Variants in MYO1H observed in about 807,000 individuals in gnomAD.
MYO1H encodes myosin IH, also known as unconventional myosin-Ih.
In MYO1H, 118 loss-of-function variants were observed where a neutral mutation model predicts 149.3. The ratio of observed to expected loss-of-function variants is 0.79; its 90% CI spans 0.68 to 0.92. MYO1H has a LOEUF of 0.92. Ranked by LOEUF, MYO1H falls within the 40% of genes least tolerant of loss-of-function variation. The pLI is 0.00. For synonymous variants in MYO1H, 447 were observed against 465.2 expected, an observed-to-expected ratio of 0.96 and a Z score of 0.50; for missense variants, 1,212 against 1,280.7, an observed-to-expected ratio of 0.95 and a Z score of 0.82.
chr12:109,320,563 G>A, the MYO1H span, among the ~76,000 whole-genome samples: 1 of 146,334 alleles, frequency 6.8e-6, no homozygotes, highest in Non-Finnish European at 1.5e-5. Context: ...GGCAGAGGTT[G>A]CAGTGAGCTG....
At chr12:109,409,240 C>CTTTTTTTTTT (rs1870542742) in intron 10 of MYO1H, among the ~76,000 whole-genome samples, 5 of 91,032 alleles carry the variant, frequency 5.5e-5, no homozygotes, top group Admixed American at 2.8e-4. Context: ...TCTTCTTCTT[C>CTTTTTTTTTT]TTCTTCTTTT....
At chr12:109,346,740 C>A (rs1424731339), upstream of MYO1H, among the ~76,000 whole-genome samples, 1 of 151,926 alleles carries the variant, frequency 6.6e-6, no homozygotes, top group African/African-American at 2.4e-5. Context: ...CCAGCCTGGG[C>A]AACAGAGCAA....
intron 1 of MYO1H, among the ~76,000 whole-genome samples, chr12:109,356,004 C>T (rs1008858545): frequency 5.3e-5 from 8 of 152,056 alleles, no homozygotes; most frequent in Non-Finnish European, 1.2e-4. Context: ...AGGCGTGAGC[C>T]ACCACACCTG....
chr12:109,405,605 C>T (rs577120929), intron 7 of MYO1H, among the ~76,000 whole-genome samples: 17 of 152,246 alleles, frequency 1.1e-4, no homozygotes, highest in Non-Finnish European at 1.9e-4. Flanking sequence ...CCACCGCGCC[C>T]GGCCATAAAA....
chr12:109,335,993 T>C, the MYO1H span, among the ~76,000 whole-genome samples: 5 of 152,172 alleles, frequency 3.3e-5, no homozygotes, highest in African/African-American at 1.2e-4. Flanking sequence ...CCTTTTTCTT[T>C]TTTTTGTGAC....
At position 109,430,272 on chromosome 12, in the gene MYO1H, G is replaced by A. The variant is rs559646881; in HGVS notation, c.1950-2625G>A. On this transcript the variant is annotated intron_variant, in intron 19 of 31. Transcript: ENST00000310903. ...GGGAGATTCACGGGATCGAGCTGGAGATAGCCAAACCCCGTGCACCTGCCT... is the reference window on the plus strand; with the variant it reads ...GGGAGATTCACGGGATCGAGCTGGAAATAGCCAAACCCCGTGCACCTGCCT... 2.0e-4 allele frequency among the ~76,000 whole-genome samples: 31 copies of A among 152,290 alleles called. No individual in the cohort carries two copies. In the East Asian group the frequency reaches 5.2e-3, roughly 26 times the overall value.
At chr12:109,355,746 T>G (rs972300031) in intron 1 of MYO1H, among the ~76,000 whole-genome samples, 8 of 150,518 alleles carry the variant, frequency 5.3e-5, no homozygotes, top group African/African-American at 1.2e-4. Flanking sequence ...TTTTTTTTTT[T>G]GGGAGATGAA....
At chr12:109,336,114 C>G in the MYO1H span, among the ~76,000 whole-genome samples, 10 of 152,040 alleles carry the variant, frequency 6.6e-5, no homozygotes, top group African/African-American at 2.4e-4. Context: ...TTAAAACCTT[C>G]AAGTGACACA....
At chr12:109,438,468 C>G (rs1871966232) in intron 22 of MYO1H, 68 bp from the exon 23 acceptor site, 2 of 1,270,420 alleles carry the variant, frequency 1.6e-6, no homozygotes, top group Admixed American at 3.9e-5. Context: ...ACAAAGCCTT[C>G]TGGAAAAGCC....
intron 27 of MYO1H, among the ~76,000 whole-genome samples, chr12:109,443,037 T>C (rs1161228089): frequency 1.7e-5 from 1 of 60,290 alleles, no homozygotes; most frequent in South Asian, 5.5e-4. Context: ...TATGTGTGTG[T>C]GTGTGTGTGT....
chr12:109,411,797 T>C, intron 13 of MYO1H, 97 bp from the exon 14 acceptor site: 1 of 804,238 alleles, frequency 1.2e-6, no homozygotes, highest in East Asian at 2.9e-5. Flanking sequence ...GACAGTCTTT[T>C]AGTCCAGTAC....
chr12:109,380,372 T>C (rs762963261), intron 1 of MYO1H, among the ~76,000 whole-genome samples: 124 of 150,590 alleles, frequency 8.2e-4, no homozygotes, highest in Non-Finnish European at 1.6e-3. Context: ...ACATAAACGG[T>C]AAAATGAAAA....
exon 15 of MYO1H, chr12:109,415,607 A>C: frequency 6.2e-7 from 1 of 1,600,934 alleles, no homozygotes; most frequent in Non-Finnish European, 8.5e-7. Context: ...GAGAGGTCAC[A>C]TACTGCACCA....
Position 109,396,814 on chromosome 12 carries a change from G to GTTTTTTT in MYO1H, c.489+256_489+262dup, listed in dbSNP as rs60551691. Among the ~76,000 whole-genome samples the GTTTTTTT allele has an allele frequency of 3.2e-3, 163 of 51,074 alleles. 12 individuals carry two copies. The highest frequency in any genetic ancestry group is 3.6e-3 in the Non-Finnish European group (90 of 25,116). The allele number at this position is 51,074 out of a possible 152,430, so 33.5% of individuals were successfully genotyped here. ...GACATTTGGTTTTTGTTTTGGTTTCGTTTTTTTTTTTTTTTTTTTTTTTTT... is the reference window on the plus strand; with the variant it reads ...GACATTTGGTTTTTGTTTTGGTTTCGTTTTTTTTTTTTTTTTTTTTTTTTTTTTTTTT... On this transcript the variant is annotated intron_variant, in intron 4 of 31. Transcript: ENST00000310903.
upstream of MYO1H, among the ~76,000 whole-genome samples, chr12:109,343,731 TGAATG>T (rs2048093836): frequency 6.6e-6 from 1 of 152,170 alleles, no homozygotes; most frequent in South Asian, 2.1e-4. Context: ...TACATATTGA[TGAATG>T]GAATGACTGA....
intron 2 of MYO1H, among the ~76,000 whole-genome samples, chr12:109,391,953 A>C (rs561746712): frequency 6.6e-6 from 1 of 152,008 alleles, no homozygotes; most frequent in African/African-American, 2.4e-5. Context: ...TGTAGACTGG[A>C]TATTAGACCT....
At chr12:109,315,918 A>G in the MYO1H span, among the ~76,000 whole-genome samples, 2 of 152,236 alleles carry the variant, frequency 1.3e-5, no homozygotes, top group East Asian at 3.8e-4. Flanking sequence ...CGAGGTGCTA[A>G]GTTCTATACA....
intron 9 of MYO1H, 51 bp downstream of exon 9, chr12:109,406,911 C>G: frequency 1.3e-6 from 2 of 1,530,178 alleles, no homozygotes; most frequent in Admixed American, 3.3e-5. Context: ...CTGCTGCTGC[C>G]TCCCTCGATA....
intron 6 of MYO1H, chr12:109,401,631 G>T (rs1870163052): frequency 5.3e-6 from 1 of 187,206 alleles, no homozygotes; most frequent in African/African-American, 2.3e-5. Context: ...TGTCCTCCTG[G>T]TGATTTAGCG....
Sources: allele counts gnomAD v4.1 joint callset (sites outside exome capture counted in the v4.1 genomes callset), GRCh38; gene constraint gnomAD v4.1.1; transcripts MANE v1.5; gene names NCBI Gene and HGNC (gene_info 2026-07-23, HGNC 2026-07-21).